DNER: variants seen among roughly 807,000 people sequenced by gnomAD.
DNER encodes delta and Notch-like epidermal growth factor-related receptor.
A neutral mutation model predicts 78.2 loss-of-function variants in DNER; 33 were observed. The observed-to-expected ratio is 0.42, with a 90% confidence interval of 0.32 to 0.56. The LOEUF is 0.56. DNER is among the 20% of genes least tolerant of loss of function. DNER has a pLI of 0.11. For missense variants in DNER, 918 were observed against 975.3 expected, an observed-to-expected ratio of 0.94 and a Z score of 0.78; for synonymous variants, 417 against 384.8, an observed-to-expected ratio of 1.08 and a Z score of -0.98.
chr2:229,554,552 C>T (rs1047176820), intron 4 of DNER, among the ~76,000 whole-genome samples: 1 of 152,130 alleles, frequency 6.6e-6, no homozygotes, highest in African/African-American at 2.4e-5. Context: ...ATCAGCAGGG[C>T]ATCATGGCAT....
intron 11 of DNER, among the ~76,000 whole-genome samples, chr2:229,387,528 AAAG>A (rs1274708414): frequency 2.2e-5 from 3 of 138,998 alleles, no homozygotes; most frequent in Non-Finnish European, 4.8e-5. Flanking sequence ...AGAAAGAAAG[AAAG>A]AAAGAAAGAA....
intron 1 of DNER, among the ~76,000 whole-genome samples, chr2:229,694,444 C>A (rs1699631478): frequency 8.2e-6 from 1 of 122,442 alleles, no homozygotes; most frequent in South Asian, 3.1e-4. Flanking sequence ...CCTGGAAAAA[C>A]CACAGAGACT....
At chr2:229,631,556 C>T (rs1393087585) in intron 1 of DNER, among the ~76,000 whole-genome samples, 1 of 152,156 alleles carries the variant, frequency 6.6e-6, no homozygotes, top group Non-Finnish European at 1.5e-5. Flanking sequence ...ACTTTATGTA[C>T]TCCTGCATAC....
In DNER at chr2:229,556,572, A is replaced by C. The variant is rs1031040974; in HGVS notation, c.848-9480T>G. On this transcript the variant is annotated intron_variant, in intron 4 of 12. Coordinates refer to ENST00000341772, the MANE Select transcript of DNER (RefSeq NM_139072.4). ...CCTTGAATTAAAGGCAACCTTATGC[A>C]CATCTAAAATTGGAATATTTTACTC... 2.6e-5 allele frequency among the ~76,000 whole-genome samples: 4 copies of C among 152,358 alleles called. No individual in the cohort carries two copies. The East Asian group carries it at 7.7e-4, about 29-fold the overall frequency.
chr2:229,396,221 C>A (rs73100204), intron 10 of DNER, among the ~76,000 whole-genome samples: 5,085 of 152,252 alleles, frequency 0.033, 135 homozygotes, highest in African/African-American at 0.073. Flanking sequence ...GCTCTAATTA[C>A]TTAGCTTAAA....
At chr2:229,367,188 T>C (rs969679545) in intron 11 of DNER, 69 bp from the exon 12 acceptor site, 2 of 1,588,560 alleles carry the variant, frequency 1.3e-6, no homozygotes, top group Non-Finnish European at 8.6e-7. Context: ...GCCTTTTTCA[T>C]CTTTGCATAG....
intron 5 of DNER, 89 bp from the exon 6 acceptor site, chr2:229,513,025 T>A (rs893781204): frequency 2.9e-6 from 4 of 1,381,470 alleles, no homozygotes; most frequent in Admixed American, 2.5e-5. Context: ...AAAGAACCAC[T>A]TCCTTTTTAT....
intron 6 of DNER, among the ~76,000 whole-genome samples, chr2:229,511,872 T>C (rs1695869013): frequency 6.6e-6 from 1 of 152,218 alleles, no homozygotes; most frequent in African/African-American, 2.4e-5. Context: ...ATGTGAACTT[T>C]CTTCTTCCAT....
chr2:229,569,012 T>C (rs528247201), intron 4 of DNER, among the ~76,000 whole-genome samples: 5 of 152,342 alleles, frequency 3.3e-5, no homozygotes, highest in African/African-American at 1.2e-4. Flanking sequence ...CGAATGTGCA[T>C]CTCTGTATGC....
chr2:229,446,158 T>C (rs1005821037), intron 8 of DNER, among the ~76,000 whole-genome samples: 9 of 152,108 alleles, frequency 5.9e-5, no homozygotes, highest in Admixed American at 2.6e-4. Context: ...CAAACCTTGG[T>C]GTAAATGTGA....
chr2:229,483,638 AT>A, intron 6 of DNER, among the ~76,000 whole-genome samples: 1 of 152,262 alleles, frequency 6.6e-6, no homozygotes, highest in Non-Finnish European at 1.5e-5. Context: ...ACAAAAGATA[AT>A]TTCAAATAGT....
chr2:229,487,103 T>C (rs186969105), intron 6 of DNER, among the ~76,000 whole-genome samples: 5 of 152,306 alleles, frequency 3.3e-5, no homozygotes, highest in Admixed American at 6.5e-5. Context: ...AAGTCAAATA[T>C]TATATGACAT....
rs780480646 is a variant in DNER, at chr2:229,447,383, G to T, written c.1419C>A (p.Ala473=). The T allele has an allele frequency of 2.5e-6, 4 of 1,613,250 alleles. No individual in the cohort carries two copies. Among genetic ancestry groups the T allele is most frequent in the Middle Eastern group, 1.7e-4 (1 of 6,040 alleles). ...PTCAQLIDFC[A]LSPCAHGTCR... is the part of the protein sequence containing the mutation. ...ACGTGCCATGAGCACAGGGGCTGAG[G>T]GCACAGAAGTCAATAAGCTGGGCAC... is the stretch of plus-strand genomic sequence containing the variant. Residue 473 remains alanine, a synonymous_variant, in exon 8 of 13, where the codon GCC becomes GCA. Coordinates refer to ENST00000341772, the MANE Select transcript of DNER (RefSeq NM_139072.4).
At chr2:229,586,662 C>T in intron 3 of DNER, 1 of 985,058 alleles carries the variant, frequency 1.0e-6, no homozygotes, top group Non-Finnish European at 1.2e-6. Flanking sequence ...GCTTCAGCTA[C>T]TACGAGCTAC....
At chr2:229,706,184 T>C (rs1440510010) in intron 1 of DNER, among the ~76,000 whole-genome samples, 2 of 152,040 alleles carry the variant, frequency 1.3e-5, no homozygotes, top group African/African-American at 2.4e-5. Flanking sequence ...AAAAATAAAC[T>C]CTTTCCACCA....
intron 5 of DNER, among the ~76,000 whole-genome samples, chr2:229,530,958 C>T (rs1574887906): frequency 6.6e-6 from 1 of 152,326 alleles, no homozygotes; most frequent in East Asian, 1.9e-4. Flanking sequence ...GCATTCATGA[C>T]AGCCTGACAG....
intron 1 of DNER, among the ~76,000 whole-genome samples, chr2:229,646,964 C>T (rs1314911389): frequency 6.6e-6 from 1 of 152,150 alleles, no homozygotes; most frequent in Non-Finnish European, 1.5e-5. Context: ...GTCAAGAGAT[C>T]GCGACCATCC....
At chr2:229,439,024 G>A (rs918392325) in intron 8 of DNER, among the ~76,000 whole-genome samples, 1 of 152,102 alleles carries the variant, frequency 6.6e-6, no homozygotes, top group African/African-American at 2.4e-5. Flanking sequence ...TATTGTCATG[G>A]GCAGAGAAAT....
chr2:229,551,291 GA>G, intron 4 of DNER, among the ~76,000 whole-genome samples: 1 of 152,142 alleles, frequency 6.6e-6, no homozygotes, highest in Non-Finnish European at 1.5e-5. Context: ...TAACCCTTCT[GA>G]AAACAGATTG....
Sources: allele counts gnomAD v4.1 joint callset (sites outside exome capture counted in the v4.1 genomes callset), GRCh38; gene constraint gnomAD v4.1.1; transcripts MANE v1.5; gene names NCBI Gene and HGNC (gene_info 2026-07-23, HGNC 2026-07-21).